Variants in GALNTL6 observed in about 807,000 individuals in gnomAD.
GALNTL6 encodes polypeptide N-acetylgalactosaminyltransferase like 6.
Under a neutral mutation model 73.7 loss-of-function variants are expected in GALNTL6, and 46 were observed. The ratio of observed to expected loss-of-function variants is 0.62; its 90% CI spans 0.49 to 0.80. The LOEUF (loss-of-function observed/expected upper bound fraction) is 0.80. Ranked by LOEUF, GALNTL6 falls within the 30% of genes least tolerant of loss-of-function variation. The pLI, the probability that GALNTL6 is intolerant of heterozygous loss-of-function variation, is 0.00. For synonymous variants in GALNTL6, 259 were observed against 263.7 expected, an observed-to-expected ratio of 0.98 and a Z score of 0.17; for missense variants, 604 against 755.0, an observed-to-expected ratio of 0.80 and a Z score of 2.34.
At chr4:172,650,660 T>C (rs576421398) in intron 5 of GALNTL6, among the ~76,000 whole-genome samples, 1 of 152,120 alleles carries the variant, frequency 6.6e-6, no homozygotes, top group African/African-American at 2.4e-5. Context: ...ATATCTATAA[T>C]GTGGAAGAAA....
chr4:171,909,393 C>T (rs542946695), intron 2 of GALNTL6, among the ~76,000 whole-genome samples: 1 of 152,062 alleles, frequency 6.6e-6, no homozygotes, highest in Non-Finnish European at 1.5e-5. Flanking sequence ...ATCAAATATT[C>T]TATCATCTGA....
chr4:172,650,664 G>C (rs1740436844), intron 5 of GALNTL6, among the ~76,000 whole-genome samples: 1 of 152,158 alleles, frequency 6.6e-6, no homozygotes. Flanking sequence ...CTATAATGTG[G>C]AAGAAATGGA....
In GALNTL6 at chr4:172,270,171, C is replaced by CTG. The variant is rs758294136; in HGVS notation, c.247+40423_247+40424dup. On this transcript the variant is annotated intron_variant, in intron 3 of 12. Transcript: ENST00000506823. The stretch of plus-strand genomic sequence containing the variant: ...TCCACTCCTTTTACTTCTCTGTCCA[C>CTG]TGTGTGTGTGTGTGTGTATGTGTGT... 7.4e-3 allele frequency among the ~76,000 whole-genome samples: 1,117 copies of CTG among 150,326 alleles called. 11 individuals carry two copies. Among genetic ancestry groups the CTG allele is most frequent in the African/African-American group, 0.023 (937 of 41,140 alleles).
intron 7 of GALNTL6, among the ~76,000 whole-genome samples, chr4:172,859,061 A>C (rs1401127738): frequency 1.4e-5 from 2 of 147,072 alleles, no homozygotes; most frequent in African/African-American, 4.9e-5. Flanking sequence ...AAAAAAAAAC[A>C]ATGATAAAGG....
chr4:172,236,516 G>A (rs956953489), intron 3 of GALNTL6, among the ~76,000 whole-genome samples: 6 of 143,172 alleles, frequency 4.2e-5, no homozygotes, highest in South Asian at 2.2e-4. Flanking sequence ...GCCAAGATGC[G>A]CCACTGCACT....
intron 2 of GALNTL6, among the ~76,000 whole-genome samples, chr4:172,124,497 C>A (rs1177930355): frequency 1.3e-5 from 2 of 151,950 alleles, no homozygotes; most frequent in African/African-American, 4.8e-5. Flanking sequence ...ATTTCTTTAA[C>A]CAGGGTGATA....
intron 5 of GALNTL6, among the ~76,000 whole-genome samples, chr4:172,522,812 A>G (rs971979413): frequency 6.6e-6 from 1 of 151,958 alleles, no homozygotes; most frequent in Admixed American, 6.6e-5. Context: ...GACTTTTCTT[A>G]TGATATCTAA....
intron 2 of GALNTL6, among the ~76,000 whole-genome samples, chr4:171,839,921 G>A (rs1197728376): frequency 6.6e-6 from 1 of 151,936 alleles, no homozygotes; most frequent in Non-Finnish European, 1.5e-5. Context: ...ATCATATCTT[G>A]ACAGTTTTTT....
intron 5 of GALNTL6, among the ~76,000 whole-genome samples, chr4:172,527,927 T>C (rs1468030318): frequency 6.6e-6 from 1 of 152,184 alleles, no homozygotes; most frequent in African/African-American, 2.4e-5. Flanking sequence ...TTCATAGATT[T>C]CTAGTTACTT....
intron 7 of GALNTL6, among the ~76,000 whole-genome samples, chr4:172,855,313 T>C (rs1744068961): frequency 6.6e-6 from 1 of 152,206 alleles, no homozygotes; most frequent in African/African-American, 2.4e-5. Flanking sequence ...TTACAGTTTT[T>C]ATTTTTAGTA....
intron 2 of GALNTL6, among the ~76,000 whole-genome samples, chr4:172,052,686 T>C (rs1730910509): frequency 6.6e-6 from 1 of 152,172 alleles, no homozygotes; most frequent in African/African-American, 2.4e-5. Flanking sequence ...GTAGACAAGG[T>C]TAGCTTTGCT....
At chr4:172,078,682 G>A (rs1333696346) in intron 2 of GALNTL6, among the ~76,000 whole-genome samples, 2 of 152,068 alleles carry the variant, frequency 1.3e-5, no homozygotes, top group East Asian at 1.9e-4. Flanking sequence ...ATTTTAATAT[G>A]GCGCTGTCTT....
intron 8 of GALNTL6, among the ~76,000 whole-genome samples, chr4:172,893,590 C>G (rs972255051): frequency 3.3e-5 from 5 of 152,156 alleles, no homozygotes; most frequent in African/African-American, 1.2e-4. Context: ...GGCAGGCAGT[C>G]TTGGGAAGAT....
At chr4:172,377,176 C>T (rs1013941774) in intron 5 of GALNTL6, among the ~76,000 whole-genome samples, 1 of 152,170 alleles carries the variant, frequency 6.6e-6, no homozygotes, top group African/African-American at 2.4e-5. Flanking sequence ...GTCCATTTTA[C>T]AGAGAGCTAG....
chr4:171,997,765 T>C (rs942785353), intron 2 of GALNTL6, among the ~76,000 whole-genome samples: 2 of 152,002 alleles, frequency 1.3e-5, no homozygotes, highest in African/African-American at 4.8e-5. Context: ...GAGGGGTAGT[T>C]GTTGGGAGTG....
chr4:172,380,092 T>C lies in GALNTL6; in HGVS notation c.553+31403T>C, dbSNP rs1168639775. ...AGCTGTTTATATGGCTTGGGCTTCG[T>C]TGGTGTTTCCACTGCTCCTCTGCAT... On this transcript the variant is annotated intron_variant, in intron 5 of 12. Coordinates refer to ENST00000506823, the MANE Select transcript of GALNTL6 (RefSeq NM_001034845.3). 6 of 978,196 alleles carry C rather than the reference T, an allele frequency of 6.1e-6. No individual in the cohort carries two copies. In the East Asian group the frequency reaches 9.6e-5, roughly 16 times the overall value. 60.6% of individuals were successfully genotyped at this position (978,196 alleles called of 1,614,324 possible).
At chr4:172,027,562 C>T (rs1741624775) in intron 2 of GALNTL6, among the ~76,000 whole-genome samples, 1 of 151,946 alleles carries the variant, frequency 6.6e-6, no homozygotes, top group African/African-American at 2.4e-5. Context: ...TCCTTGAGAC[C>T]AACGATACTG....
intron 10 of GALNTL6, among the ~76,000 whole-genome samples, chr4:172,995,880 C>T (rs951000276): frequency 6.6e-6 from 1 of 152,188 alleles, no homozygotes; most frequent in Non-Finnish European, 1.5e-5. Context: ...CCTTGGTCAG[C>T]CAAGCTGGCT....
intron 5 of GALNTL6, among the ~76,000 whole-genome samples, chr4:172,730,040 G>C (rs971000187): frequency 6.6e-6 from 1 of 152,092 alleles, no homozygotes; most frequent in Non-Finnish European, 1.5e-5. Flanking sequence ...ATTGTTTGCT[G>C]TTGCCATATA....
Sources: gnomAD v4.1 joint callset for allele counts (sites outside exome capture counted in the v4.1 genomes callset) on GRCh38, gnomAD v4.1.1 for gene constraint, MANE v1.5 for transcripts, NCBI Gene and HGNC (gene_info 2026-07-23, HGNC 2026-07-21) for gene names.